Variants in EDIL3 observed in about 807,000 individuals in gnomAD.
The protein encoded by EDIL3 is EGF-like repeat and discoidin I-like domain-containing protein 3.
Under a neutral mutation model 67.4 loss-of-function variants are expected in EDIL3, and 37 were observed. That is an observed-to-expected ratio of 0.55 (90% CI 0.42 to 0.72). The LOEUF (loss-of-function observed/expected upper bound fraction) is 0.72, where lower values mean the gene tolerates loss of function less well. Ranked by LOEUF, EDIL3 falls within the 30% of genes least tolerant of loss-of-function variation. The pLI, the probability that EDIL3 is intolerant of heterozygous loss-of-function variation, is 0.00. For synonymous variants in EDIL3, 195 were observed against 196.3 expected (o/e 0.99, Z 0.05); for missense variants, 527 against 586.3 (o/e 0.90, Z 1.04).
At chr5:84,045,136 T>G (rs1200662251) in intron 9 of EDIL3, among the ~76,000 whole-genome samples, 1 of 152,052 alleles carries the variant, frequency 6.6e-6, no homozygotes, top group African/African-American at 2.4e-5. Flanking sequence ...CCATCAGATC[T>G]CATGAGACTT....
At chr5:84,115,444 C>T (rs1264107807) in intron 5 of EDIL3, among the ~76,000 whole-genome samples, 1 of 152,106 alleles carries the variant, frequency 6.6e-6, no homozygotes, top group African/African-American at 2.4e-5. Context: ...ATTAATATTT[C>T]TCAAATTGAT....
At chr5:83,967,193 C>T (rs935756975) in intron 9 of EDIL3, among the ~76,000 whole-genome samples, 3 of 151,964 alleles carry the variant, frequency 2.0e-5, no homozygotes, top group Non-Finnish European at 2.9e-5. Flanking sequence ...TGGTGGCATA[C>T]ACCTGTAGTC....
chr5:84,067,760 T>C (rs1333154460), intron 6 of EDIL3, among the ~76,000 whole-genome samples: 1 of 152,184 alleles, frequency 6.6e-6, no homozygotes, highest in Non-Finnish European at 1.5e-5. Context: ...TCTTCCCCGT[T>C]GAAACCTCAT....
At chr5:84,072,096 T>TA (rs1390034978) in intron 6 of EDIL3, among the ~76,000 whole-genome samples, 6 of 151,912 alleles carry the variant, frequency 3.9e-5, no homozygotes, top group East Asian at 1.9e-4. Context: ...ATCTCAGAGA[T>TA]AAAAAAATGG....
intron 5 of EDIL3, among the ~76,000 whole-genome samples, chr5:84,128,323 G>C (rs774360402): frequency 2.0e-5 from 3 of 152,114 alleles, no homozygotes; most frequent in African/African-American, 7.2e-5. Context: ...GTTTGTCTCT[G>C]CTTTTATCAG....
intron 4 of EDIL3, among the ~76,000 whole-genome samples, chr5:84,149,942 C>G (rs1001024552): frequency 6.6e-6 from 1 of 151,998 alleles, no homozygotes; most frequent in East Asian, 1.9e-4. Context: ...ATCTGGGCAT[C>G]AGTGATCAGT....
chr5:84,285,545 C>T (rs1745792469), intron 1 of EDIL3, among the ~76,000 whole-genome samples: 1 of 152,144 alleles, frequency 6.6e-6, no homozygotes, highest in Non-Finnish European at 1.5e-5. Flanking sequence ...GATGAGTAAA[C>T]CAAAACACTT....
chr5:84,156,315 G>C (rs1748489253), intron 4 of EDIL3, among the ~76,000 whole-genome samples: 1 of 152,132 alleles, frequency 6.6e-6, no homozygotes, highest in Non-Finnish European at 1.5e-5. Context: ...CTCTGTACCA[G>C]CTCACCCCTA....
chr5:84,355,002 T>C (rs949359862), intron 1 of EDIL3, among the ~76,000 whole-genome samples: 1 of 152,166 alleles, frequency 6.6e-6, no homozygotes, highest in African/African-American at 2.4e-5. Flanking sequence ...TGGTGTTCTC[T>C]ATATTTCCTG....
Position 84,324,004 on chromosome 5 carries a change from C to G in EDIL3, c.67+60304G>C, listed in dbSNP as rs567796028. On this transcript the variant is annotated intron_variant, in intron 1 of 10. Coordinates refer to ENST00000296591, the MANE Select transcript of EDIL3 (RefSeq NM_005711.5). ...CCATACTGAATAATAGATAGCACAA[C>G]TAGACAGAATATTAGTAAAAAATCA... 2.0e-5 allele frequency among the ~76,000 whole-genome samples: 3 copies of G among 151,872 alleles called. No homozygotes were observed. In the South Asian group the frequency reaches 6.2e-4, roughly 32 times the overall value.
At chr5:84,154,195 C>A (rs1379563041) in intron 4 of EDIL3, among the ~76,000 whole-genome samples, 1 of 152,168 alleles carries the variant, frequency 6.6e-6, no homozygotes, top group Non-Finnish European at 1.5e-5. Context: ...CAAGCCATAT[C>A]TCCAAACCCA....
chr5:84,127,036 A>G (rs983363986), intron 5 of EDIL3, among the ~76,000 whole-genome samples: 1 of 152,112 alleles, frequency 6.6e-6, no homozygotes, highest in African/African-American at 2.4e-5. Context: ...CAGAGAAAAT[A>G]TAAAGCAAAT....
At chr5:84,086,623 C>T (rs918086024) in intron 6 of EDIL3, among the ~76,000 whole-genome samples, 2 of 152,154 alleles carry the variant, frequency 1.3e-5, no homozygotes, top group African/African-American at 4.8e-5. Context: ...CCAAAAAGGG[C>T]TTCCTTTTTT....
intron 9 of EDIL3, among the ~76,000 whole-genome samples, chr5:83,988,046 C>A (rs1390035546): frequency 6.6e-6 from 1 of 152,056 alleles, no homozygotes; most frequent in Non-Finnish European, 1.5e-5. Flanking sequence ...ACAGGATGTA[C>A]TTGTCTGTAC....
At chr5:83,947,085 C>T (rs896704907) in intron 10 of EDIL3, among the ~76,000 whole-genome samples, 4 of 151,698 alleles carry the variant, frequency 2.6e-5, no homozygotes, top group Non-Finnish European at 4.4e-5. Flanking sequence ...TCACTTCATC[C>T]CTCTGGGTTT....
intron 1 of EDIL3, among the ~76,000 whole-genome samples, chr5:84,358,443 T>C (rs1298081869): frequency 6.6e-6 from 1 of 152,052 alleles, no homozygotes; most frequent in Non-Finnish European, 1.5e-5. Context: ...ACCTAAATGG[T>C]GGTGGATTTT....
intron 3 of EDIL3, among the ~76,000 whole-genome samples, chr5:84,197,834 C>T (rs1743744557): frequency 6.6e-6 from 1 of 151,950 alleles, no homozygotes; most frequent in Non-Finnish European, 1.5e-5. Context: ...TAAGAAGTTA[C>T]ACTTTATGAT....
chr5:84,348,734 GA>G (rs1222269802), intron 1 of EDIL3, among the ~76,000 whole-genome samples: 2 of 152,088 alleles, frequency 1.3e-5, no homozygotes, highest in African/African-American at 2.4e-5. Context: ...GGTACCCAGA[GA>G]ATTCACCAAC....
chr5:84,244,325 G>C (rs1000688034), intron 2 of EDIL3, among the ~76,000 whole-genome samples: 5 of 152,258 alleles, frequency 3.3e-5, no homozygotes, highest in East Asian at 1.9e-4. Context: ...TCTTTTGCCA[G>C]GTTGGAGTAC....
Sources: gnomAD v4.1 joint callset for allele counts (sites outside exome capture counted in the v4.1 genomes callset) on GRCh38, gnomAD v4.1.1 for gene constraint, MANE v1.5 for transcripts, NCBI Gene and HGNC (gene_info 2026-07-23, HGNC 2026-07-21) for gene names.